PTPRG: variants seen among roughly 807,000 people sequenced by gnomAD.
PTPRG encodes the protein protein tyrosine phosphatase receptor type G, also known as receptor-type tyrosine-protein phosphatase gamma.
In PTPRG, 102 loss-of-function variants were observed where a neutral mutation model predicts 165.3. That is an observed-to-expected ratio of 0.62 (90% confidence interval 0.53 to 0.73). The LOEUF (loss-of-function observed/expected upper bound fraction) is 0.73, where lower values mean the gene tolerates loss of function less well. Among genes scored for constraint, PTPRG ranks in the 30% least tolerant of loss-of-function variants. The pLI, the probability that PTPRG is intolerant of heterozygous loss-of-function variation, is 0.00. For missense variants in PTPRG, 1,866 were observed against 1,861.4 expected (o/e 1.00, Z -0.05); for synonymous variants, 675 against 669.5 (o/e 1.01, Z -0.13).
intron 2 of PTPRG, among the ~76,000 whole-genome samples, chr3:61,819,632 C>G (rs1479100679): frequency 1.3e-5 from 2 of 152,130 alleles, no homozygotes; most frequent in Non-Finnish European, 2.9e-5. Flanking sequence ...GAACTTTAGT[C>G]TGATCAAGCT....
intron 4 of PTPRG, among the ~76,000 whole-genome samples, chr3:62,031,072 T>C (rs1339753552): frequency 6.6e-6 from 1 of 152,230 alleles, no homozygotes; most frequent in Non-Finnish European, 1.5e-5. Flanking sequence ...TTTATTGAAA[T>C]GATTTCAGTT....
At chr3:61,990,209 C>T (rs1016400622) in intron 3 of PTPRG, among the ~76,000 whole-genome samples, 4 of 148,108 alleles carry the variant, frequency 2.7e-5, no homozygotes, top group Non-Finnish European at 4.4e-5. Context: ...GTATTAGGTA[C>T]ATTTCACGTG....
chr3:62,115,730 GT>G (rs1702842132), intron 5 of PTPRG, among the ~76,000 whole-genome samples: 1 of 151,416 alleles, frequency 6.6e-6, no homozygotes, highest in Non-Finnish European at 1.5e-5. Context: ...AGAGACAAGG[GT>G]TTTCCATTTT....
intron 4 of PTPRG, among the ~76,000 whole-genome samples, chr3:62,011,759 C>A (rs146176180): frequency 1.2e-4 from 18 of 152,242 alleles, no homozygotes; most frequent in African/African-American, 3.6e-4. Context: ...GCAAAGCAAG[C>A]GTGCAAGTTT....
chr3:62,274,899 TTTC>T (rs1219606819), intron 23 of PTPRG, among the ~76,000 whole-genome samples: 1 of 152,178 alleles, frequency 6.6e-6, no homozygotes, highest in Non-Finnish European at 1.5e-5. Context: ...GCCTTTTTCG[TTTC>T]TTCAATTTTT....
At chr3:62,076,650 C>T (rs1029459221) in intron 4 of PTPRG, among the ~76,000 whole-genome samples, 2 of 151,306 alleles carry the variant, frequency 1.3e-5, no homozygotes, top group Admixed American at 6.6e-5. Context: ...GGCATGACCT[C>T]GGCTCACCGC....
At chr3:61,818,783 T>TA (rs1345453426) in intron 2 of PTPRG, among the ~76,000 whole-genome samples, 10 of 151,688 alleles carry the variant, frequency 6.6e-5, no homozygotes, top group African/African-American at 1.9e-4. Flanking sequence ...AAAAAAATAT[T>TA]AAAAATCACA....
chr3:62,005,909 G>A (rs898450535), intron 4 of PTPRG, among the ~76,000 whole-genome samples: 1 of 151,806 alleles, frequency 6.6e-6, no homozygotes, highest in Non-Finnish European at 1.5e-5. Context: ...TACCATGTTC[G>A]CCAGGCTGGT....
intron 1 of PTPRG, among the ~76,000 whole-genome samples, chr3:61,640,328 A>G (rs1158908817): frequency 1.3e-5 from 2 of 152,202 alleles, no homozygotes; most frequent in Non-Finnish European, 2.9e-5. Context: ...TGGAGAGATC[A>G]GAGTAGGTCC....
At chr3:61,606,025 A>G (rs1700996320) in intron 1 of PTPRG, among the ~76,000 whole-genome samples, 1 of 152,144 alleles carries the variant, frequency 6.6e-6, no homozygotes, top group East Asian at 1.9e-4. Flanking sequence ...TGGTGTATCC[A>G]TTTTCTATTG....
intron 2 of PTPRG, among the ~76,000 whole-genome samples, chr3:61,822,253 CA>C (rs2035977248): frequency 6.6e-6 from 1 of 152,172 alleles, no homozygotes; most frequent in Admixed American, 6.5e-5. Flanking sequence ...CCCACATCCC[CA>C]AATATGCAGT....
At chr3:61,964,791 G>A (rs569102396) in intron 2 of PTPRG, among the ~76,000 whole-genome samples, 1 of 151,982 alleles carries the variant, frequency 6.6e-6, no homozygotes, top group South Asian at 2.1e-4. Flanking sequence ...CCTTTTTGAT[G>A]AGTCGCTGGG....
At chr3:61,981,242 T>C (rs145448758) in intron 2 of PTPRG, among the ~76,000 whole-genome samples, 3 of 152,240 alleles carry the variant, frequency 2.0e-5, no homozygotes, top group South Asian at 2.1e-4. Flanking sequence ...TGACTCACTT[T>C]CCTCCACCTA....
chr3:61,667,742 C>G (rs888840679), intron 1 of PTPRG, among the ~76,000 whole-genome samples: 1 of 151,010 alleles, frequency 6.6e-6, no homozygotes, highest in African/African-American at 2.4e-5. Flanking sequence ...GAGTTTGAAT[C>G]TAACTGGGAA....
At chr3:61,613,048 G>C (rs1293004822) in intron 1 of PTPRG, among the ~76,000 whole-genome samples, 1 of 152,154 alleles carries the variant, frequency 6.6e-6, no homozygotes, top group East Asian at 1.9e-4. Flanking sequence ...CAGCAGAGTG[G>C]CTTACGCTTA....
rs533072026 is a variant in PTPRG at position 61,899,654 on chromosome 3, C to A, written c.191-89971C>A. On this transcript the variant is annotated intron_variant, in intron 2 of 29. Coordinates refer to ENST00000474889, the MANE Select transcript of PTPRG (RefSeq NM_002841.4). ...AAACCACACTTCCCTGGAGACTCAT[C>A]GGGGAACACCTGCTACTGGATTTTC... Among the ~76,000 whole-genome samples, 52 of 152,278 alleles carry A rather than the reference C, an allele frequency of 3.4e-4. No individual in the cohort carries two copies. The Middle Eastern group carries it at 0.01, about 30-fold the overall frequency.
intron 14 of PTPRG, among the ~76,000 whole-genome samples, chr3:62,239,758 A>C (rs1368274973): frequency 1.3e-5 from 2 of 152,090 alleles, no homozygotes; most frequent in African/African-American, 2.4e-5. Context: ...AGAGGCATTA[A>C]AACTTGTGTT....
Position 61,993,508 on chromosome 3 carries a change from C to T in PTPRG, c.370+3704C>T, listed in dbSNP as rs142741460. Among the ~76,000 whole-genome samples, 11 of 152,240 alleles carry T rather than the reference C, an allele frequency of 7.2e-5. No individual in the cohort carries two copies. The East Asian group carries it at 7.7e-4, about 11-fold the overall frequency. ...TGCTGGGATTACACGCATGAGCCTC[C>T]GTGCCCGGCCCACTGTACTAGTTTT... On this transcript the variant is annotated intron_variant, in intron 3 of 29. Coordinates refer to ENST00000474889, the MANE Select transcript of PTPRG (RefSeq NM_002841.4).
intron 2 of PTPRG, among the ~76,000 whole-genome samples, chr3:61,966,864 GC>G (rs146974027): frequency 0.021 from 3,218 of 152,208 alleles, 112 homozygotes; most frequent in African/African-American, 0.068. Flanking sequence ...ATTTATTAAG[GC>G]CACTTTGTTT....
Sources: gnomAD v4.1 joint callset for allele counts (sites outside exome capture counted in the v4.1 genomes callset) on GRCh38, gnomAD v4.1.1 for gene constraint, MANE v1.5 for transcripts, NCBI Gene and HGNC (gene_info 2026-07-23, HGNC 2026-07-21) for gene names.